TMEM178B: variants seen among roughly 807,000 people sequenced by gnomAD.
TMEM178B encodes the protein transmembrane protein 178B.
Under a neutral mutation model 31.0 loss-of-function variants are expected in TMEM178B, and 5 were observed. The ratio of observed to expected loss-of-function variants is 0.16; its 90% confidence interval spans 0.08 to 0.34. TMEM178B has a LOEUF of 0.34. Among genes scored for constraint, TMEM178B ranks in the 10% least tolerant of loss-of-function variants. TMEM178B has a pLI of 1.00. For synonymous variants in TMEM178B, 164 were observed against 164.0 expected (o/e 1.00, Z 0.00); for missense variants, 275 against 400.3 (o/e 0.69, Z 2.67).
intron 2 of TMEM178B, among the ~76,000 whole-genome samples, chr7:141,401,575 C>T (rs1245780376): frequency 6.6e-6 from 1 of 151,630 alleles, no homozygotes; most frequent in African/African-American, 2.4e-5. Flanking sequence ...GCCACCACAC[C>T]CAGCTATTTT....
At chr7:141,510,003 T>A in the TMEM178B span, among the ~76,000 whole-genome samples, 1 of 152,222 alleles carries the variant, frequency 6.6e-6, no homozygotes. Flanking sequence ...AGTGGCAGTA[T>A]CCTGAGTAGA....
At chr7:141,498,495 C>T in the TMEM178B span, among the ~76,000 whole-genome samples, 1 of 152,174 alleles carries the variant, frequency 6.6e-6, no homozygotes, top group East Asian at 1.9e-4. Context: ...TCATTCATGG[C>T]CTTAATATGT....
chr7:141,199,982 C>T (rs540656496), intron 1 of TMEM178B, among the ~76,000 whole-genome samples: 98 of 151,880 alleles, frequency 6.5e-4, no homozygotes, highest in Admixed American at 1.1e-3. Flanking sequence ...ACCCAGGAGG[C>T]GGAGCTTGCA....
intron 2 of TMEM178B, among the ~76,000 whole-genome samples, chr7:141,397,433 C>T (rs1159043145): frequency 1.3e-5 from 2 of 152,148 alleles, no homozygotes; most frequent in African/African-American, 2.4e-5. Context: ...CTGAGACGGA[C>T]GGACCTTACC....
At chr7:141,147,979 C>G (rs1450464568) in intron 1 of TMEM178B, among the ~76,000 whole-genome samples, 1 of 152,188 alleles carries the variant, frequency 6.6e-6, no homozygotes, top group Non-Finnish European at 1.5e-5. Context: ...TGCCACAAAC[C>G]TAGTGGCTTA....
intron 2 of TMEM178B, among the ~76,000 whole-genome samples, chr7:141,220,459 G>A (rs1163591848): frequency 2.0e-5 from 3 of 152,008 alleles, no homozygotes; most frequent in African/African-American, 4.8e-5. Flanking sequence ...TAGCATGGCT[G>A]CCTATACAAG....
At chr7:141,127,058 A>G (rs957104132) in intron 1 of TMEM178B, among the ~76,000 whole-genome samples, 1 of 152,136 alleles carries the variant, frequency 6.6e-6, no homozygotes, top group African/African-American at 2.4e-5. Flanking sequence ...AATACCAGGA[A>G]AAGCCTTGCA....
chr7:141,273,490 T>C (rs1798217774), intron 2 of TMEM178B, among the ~76,000 whole-genome samples: 1 of 151,940 alleles, frequency 6.6e-6, no homozygotes, highest in African/African-American at 2.4e-5. Flanking sequence ...AAGAAGCGAG[T>C]GAGAAATGGA....
At chr7:141,143,310 T>G (rs1431860210) in intron 1 of TMEM178B, among the ~76,000 whole-genome samples, 1 of 152,180 alleles carries the variant, frequency 6.6e-6, no homozygotes, top group African/African-American at 2.4e-5. Context: ...TCCAGAATGG[T>G]GTTTTCTAGG....
rs151326910 is a variant in TMEM178B, at chr7:141,245,851, G to A, written c.496+33147G>A. 7.3e-4 allele frequency among the ~76,000 whole-genome samples: 111 copies of A among 152,248 alleles called. 1 individual carries two copies. In the South Asian group the frequency reaches 0.017, roughly 23 times the overall value. ...TGTCCAGTGAATTTCATTATGGTCC[G>A]TGATAGAAATGTTATTGTGTGGAGA... On this transcript the variant is annotated intron_variant, in intron 2 of 3. Coordinates refer to ENST00000565468, the MANE Select transcript of TMEM178B (RefSeq NM_001195278.2).
chr7:141,152,747 CAGTT>C (rs1342511985), intron 1 of TMEM178B, among the ~76,000 whole-genome samples: 2 of 152,226 alleles, frequency 1.3e-5, no homozygotes, highest in African/African-American at 4.8e-5. Context: ...ACTGGACAGG[CAGTT>C]AGGTAGACTC....
At chr7:141,192,153 C>G (rs992942513) in intron 1 of TMEM178B, among the ~76,000 whole-genome samples, 3 of 152,106 alleles carry the variant, frequency 2.0e-5, no homozygotes, top group Non-Finnish European at 4.4e-5. Context: ...TTAAATTGAG[C>G]TGGATTTTCT....
chr7:141,279,397 G>T (rs989766666), intron 2 of TMEM178B, among the ~76,000 whole-genome samples: 1 of 152,182 alleles, frequency 6.6e-6, no homozygotes, highest in African/African-American at 2.4e-5. Flanking sequence ...GTTACTTTTA[G>T]CAAAGTAATA....
At chr7:141,281,366 G>A (rs912246993) in intron 2 of TMEM178B, among the ~76,000 whole-genome samples, 4 of 152,080 alleles carry the variant, frequency 2.6e-5, no homozygotes, top group African/African-American at 9.7e-5. Context: ...GAGCAGACAG[G>A]GATTTTTGTC....
At chr7:141,339,195 C>T (rs1394610491) in intron 2 of TMEM178B, among the ~76,000 whole-genome samples, 4 of 152,172 alleles carry the variant, frequency 2.6e-5, no homozygotes, top group Non-Finnish European at 5.9e-5. Flanking sequence ...GCTTTCTTGT[C>T]CCTGAGGAGT....
chr7:141,128,628 A>G (rs1795544536), intron 1 of TMEM178B, among the ~76,000 whole-genome samples: 1 of 152,062 alleles, frequency 6.6e-6, no homozygotes, highest in African/African-American at 2.4e-5. Flanking sequence ...ATACATTAAT[A>G]GTGCATGGGG....
chr7:141,412,023 T>C (rs887635667), intron 2 of TMEM178B, among the ~76,000 whole-genome samples: 2 of 152,198 alleles, frequency 1.3e-5, no homozygotes, highest in African/African-American at 4.8e-5. Context: ...CAGTGTTGTT[T>C]GGGTTTCAGG....
intron 2 of TMEM178B, among the ~76,000 whole-genome samples, chr7:141,369,289 CTCTT>C (rs934436182): frequency 6.6e-6 from 1 of 151,714 alleles, no homozygotes; most frequent in African/African-American, 2.4e-5. Context: ...AGTCTCATCT[CTCTT>C]TCTCTCTGTC....
chr7:141,259,909 C>G (rs1332212179), intron 2 of TMEM178B, among the ~76,000 whole-genome samples: 1 of 152,148 alleles, frequency 6.6e-6, no homozygotes, highest in Non-Finnish European at 1.5e-5. Flanking sequence ...TGTGTCTCCT[C>G]TGTCTGTGCA....
Sources: gnomAD v4.1 joint callset for allele counts (sites outside exome capture counted in the v4.1 genomes callset) on GRCh38, gnomAD v4.1.1 for gene constraint, MANE v1.5 for transcripts, NCBI Gene and HGNC (gene_info 2026-07-23, HGNC 2026-07-21) for gene names.